Variants in KDM5B observed in about 807,000 individuals in gnomAD.
KDM5B encodes lysine-specific demethylase 5B.
KDM5B carries 144 observed loss-of-function variants against 193.4 expected under a neutral mutation model. The ratio of observed to expected loss-of-function variants is 0.74; its 90% CI spans 0.65 to 0.86. KDM5B has a LOEUF of 0.86. KDM5B is among the 40% of genes least tolerant of loss of function. The pLI is 0.00. For missense variants in KDM5B, 1,833 were observed against 1,886.9 expected, an observed-to-expected ratio of 0.97 and a Z score of 0.53; for synonymous variants, 668 against 682.6, an observed-to-expected ratio of 0.98 and a Z score of 0.33.
intron 1 of KDM5B, among the ~76,000 whole-genome samples, chr1:202,802,462 G>A (rs188446534): frequency 2.6e-5 from 4 of 151,954 alleles, no homozygotes; most frequent in African/African-American, 9.7e-5. Context: ...GAGTGATCTC[G>A]GCTCACTGCA....
At chr1:202,746,580 A>G (rs565914339) in intron 14 of KDM5B, 3 of 339,438 alleles carry the variant, frequency 8.8e-6, no homozygotes, top group Non-Finnish European at 1.6e-5. Context: ...TATGAACACC[A>G]TAGGACTGTA....
intron 14 of KDM5B, among the ~76,000 whole-genome samples, chr1:202,747,663 A>T (rs1300823536): frequency 6.6e-6 from 1 of 152,132 alleles, no homozygotes; most frequent in South Asian, 2.1e-4. Flanking sequence ...GACTTTAGCA[A>T]GGTCTCAGGA....
chr1:202,800,483 G>C (rs1006994700), intron 1 of KDM5B, among the ~76,000 whole-genome samples: 2 of 152,158 alleles, frequency 1.3e-5, no homozygotes, highest in South Asian at 4.1e-4. Context: ...TGGGACTACA[G>C]GTGCACGTCA....
intron 26 of KDM5B, 195 bp downstream of exon 26, chr1:202,729,512 G>A: frequency 1.6e-6 from 1 of 607,762 alleles, no homozygotes; most frequent in African/African-American, 1.8e-5. Context: ...AAGAACAAGA[G>A]TTTCTTCAAG....
intron 6 of KDM5B, 22 bp downstream of exon 6, chr1:202,764,027 A>G (rs1413160276): frequency 8.1e-7 from 1 of 1,227,650 alleles, no homozygotes; most frequent in Admixed American, 2.0e-5. Flanking sequence ...TTTCTTTCCT[A>G]TTCATTGACA....
chr1:202,732,041 GGA>G (rs1654905860), intron 23 of KDM5B, 102 bp from the exon 24 acceptor site: 66 of 547,904 alleles, frequency 1.2e-4, no homozygotes, highest in East Asian at 3.7e-4. Context: ...GGCAACCAGG[GGA>G]AAAAAAAAAA....
At chr1:202,744,062 G>C (rs746350130) in intron 16 of KDM5B, among the ~76,000 whole-genome samples, 19 of 152,158 alleles carry the variant, frequency 1.2e-4, no homozygotes, top group Non-Finnish European at 2.4e-4. Context: ...TACAGAATGG[G>C]AGAAAATACT....
At chr1:202,765,039 G>C (rs1047543469) in intron 5 of KDM5B, among the ~76,000 whole-genome samples, 7 of 152,170 alleles carry the variant, frequency 4.6e-5, no homozygotes, top group African/African-American at 1.7e-4. Flanking sequence ...CCTCCTAGAA[G>C]GTTCTTGGTT....
chr1:202,729,175 T>A lies in KDM5B; in HGVS notation c.4498-2A>T. Reference sequence around the variant, plus strand: ...GCCATCACACTGGACCCAGTCCACCTGGTTACAAAGAGCAGGAAGATGGGG... The same window carrying A: ...GCCATCACACTGGACCCAGTCCACCAGGTTACAAAGAGCAGGAAGATGGGG... On this transcript the variant is annotated splice_acceptor_variant, in intron 26 of 26. Transcript: ENST00000367265. LOFTEE classifies it high-confidence loss of function. The A allele has an allele frequency of 6.2e-7, 1 of 1,614,028 alleles. No individual in the cohort carries two copies. The highest frequency in any genetic ancestry group is 8.5e-7 in the Non-Finnish European group (1 of 1,179,956).
At chr1:202,739,304 G>C (rs762875394) in intron 20 of KDM5B, among the ~76,000 whole-genome samples, 14 of 152,274 alleles carry the variant, frequency 9.2e-5, no homozygotes, top group Non-Finnish European at 7.4e-5. Flanking sequence ...AAATATTTGA[G>C]ACAACTGGTC....
At chr1:202,773,032 C>T in intron 4 of KDM5B, 86 bp downstream of exon 4, 2 of 1,033,480 alleles carry the variant, frequency 1.9e-6, no homozygotes, top group Non-Finnish European at 2.9e-6. Flanking sequence ...CTTCCAAACA[C>T]AATCAAGGCT....
Position 202,749,096 on chromosome 1 carries a change from T to A in KDM5B, c.1865A>T (p.His622Leu), listed in dbSNP as rs560327603. ...ATCGTGGGAAAACACACAATATCGA[T>A]GAAGCAAGCGATAATGCTCCACACA... is the stretch of plus-strand genomic sequence containing the variant. ...RQCVEHYRLL[H>L]RYCVFSHDEM... The change falls in exon 14 of 27, where the codon CAT (histidine) becomes CTT (leucine). Residue 622 changes from histidine to leucine, a missense_variant. By Grantham distance (99) the His-to-Leu change is moderately conservative (BLOSUM62 -3). This residue lies in a region of KDM5B where 1,379 missense variants were observed against 1,349.6 expected (regional missense o/e 1.02). Coordinates refer to ENST00000367265, the MANE Select transcript of KDM5B (RefSeq NM_006618.5). The A allele has an allele frequency of 6.2e-7, 1 of 1,614,014 alleles. No individual in the cohort carries two copies. The highest frequency in any genetic ancestry group is 1.1e-5 in the South Asian group (1 of 91,058).
intron 2 of KDM5B, among the ~76,000 whole-genome samples, chr1:202,776,594 G>A (rs780781624): frequency 6.6e-5 from 10 of 151,806 alleles, no homozygotes; most frequent in Non-Finnish European, 1.3e-4. Context: ...TTGCTCTGTC[G>A]CCCAGGCTGG....
intron 20 of KDM5B, among the ~76,000 whole-genome samples, chr1:202,739,044 TGGGCCTTG>T (rs1384779547): frequency 1.3e-5 from 2 of 152,232 alleles, no homozygotes; most frequent in African/African-American, 4.8e-5. Flanking sequence ...ATGAAAATTC[TGGGCCTTG>T]GGGCTTAGCT....
In KDM5B at chr1:202,742,728, G is replaced by C. The variant is rs1277190443; in HGVS notation, c.2401C>G (p.Arg801Gly). 1.2e-6 allele frequency: 2 copies of C among 1,614,164 alleles called. No homozygotes were observed. The highest frequency in any genetic ancestry group is 8.5e-7 in the Non-Finnish European group (1 of 1,179,994). Reference protein sequence around the residue: ...FPDNDLLRHLRLVTQDAEKCA... With the variant: ...FPDNDLLRHLGLVTQDAEKCA... ...TTCTCTGCATCCTGTGTGACTAGGC[G>C]AAGGTGTCGCAAAAGATCATTGTCT... Residue 801 changes from arginine to glycine, a missense_variant, in exon 17 of 27, where the codon CGC (arginine) becomes GGC (glycine). Around this residue, in one of 3 missense-constraint regions of KDM5B, gnomAD observed 1,379 missense variants for 1,349.6 expected, o/e 1.02. Transcript: ENST00000367265.
chr1:202,751,200 C>T (rs1204951535), intron 12 of KDM5B, among the ~76,000 whole-genome samples: 2 of 152,270 alleles, frequency 1.3e-5, no homozygotes, highest in East Asian at 1.9e-4. Context: ...TCCCATCATT[C>T]CCTTCTTCCT....
intron 16 of KDM5B, 138 bp downstream of exon 16, chr1:202,745,720 C>T (rs942729857): frequency 1.1e-6 from 1 of 914,478 alleles, no homozygotes; most frequent in Non-Finnish European, 1.7e-6. Flanking sequence ...TGCCGGTGCT[C>T]TGTAAACCGG....
chr1:202,771,196 A>G (rs7521277), intron 4 of KDM5B, among the ~76,000 whole-genome samples: 8,996 of 152,190 alleles, frequency 0.059, 458 homozygotes, highest in East Asian at 0.24. Context: ...CACATTCAAC[A>G]TTCTATTTTT....
chr1:202,747,757 T>C (rs1017522213), intron 14 of KDM5B, among the ~76,000 whole-genome samples: 1 of 152,028 alleles, frequency 6.6e-6, no homozygotes, highest in African/African-American at 2.4e-5. Context: ...GTACAATTTA[T>C]AATAGTGCCA....
Sources: allele counts gnomAD v4.1 joint callset (sites outside exome capture counted in the v4.1 genomes callset), GRCh38; gene constraint gnomAD v4.1.1; regional missense constraint gnomAD v4.1.1; transcripts MANE v1.5; gene names NCBI Gene and HGNC (gene_info 2026-07-23, HGNC 2026-07-21).